CSMD1: variants seen among roughly 807,000 people sequenced by gnomAD.
CSMD1 encodes the protein CUB and sushi domain-containing protein 1.
CSMD1 carries 213 observed loss-of-function variants against 417.5 expected under a neutral mutation model. That is an observed-to-expected ratio of 0.51 (90% CI 0.46 to 0.57). CSMD1 has a LOEUF of 0.57. Ranked by LOEUF, CSMD1 falls within the 20% of genes least tolerant of loss-of-function variation. The pLI is 0.00. For missense variants in CSMD1, 6,923 were observed against 4,529.7 expected (o/e 1.53, Z -15.17); for synonymous variants, 2,862 against 1,736.8 (o/e 1.65, Z -16.11).
chr8:3,595,545 T>C (rs2117048121), intron 8 of CSMD1, among the ~76,000 whole-genome samples: 1 of 152,284 alleles, frequency 6.6e-6, no homozygotes, highest in East Asian at 1.9e-4. Flanking sequence ...TTAGATACTG[T>C]GTGTTAGCAA....
intron 3 of CSMD1, among the ~76,000 whole-genome samples, chr8:4,347,247 G>T (rs551965439): frequency 6.6e-6 from 1 of 152,086 alleles, no homozygotes; most frequent in Non-Finnish European, 1.5e-5. Flanking sequence ...AAATGAAACA[G>T]ACATCCACGA....
chr8:3,261,334 C>G (rs1296635917), intron 26 of CSMD1, among the ~76,000 whole-genome samples: 1 of 152,140 alleles, frequency 6.6e-6, no homozygotes, highest in Non-Finnish European at 1.5e-5. Context: ...TTCAATTCTG[C>G]AATTGCATTC....
chr8:3,189,822 G>C, intron 34 of CSMD1, 90 bp downstream of exon 34: 1 of 1,230,392 alleles, frequency 8.1e-7, no homozygotes, highest in Non-Finnish European at 1.1e-6. Flanking sequence ...GAGCCAGATG[G>C]ATTTACGTAG....
chr8:3,074,156 CTCAGCGTCCAGAGGCCCTGTGT>C (rs1488317085), intron 49 of CSMD1, among the ~76,000 whole-genome samples: 1 of 152,228 alleles, frequency 6.6e-6, no homozygotes, highest in Non-Finnish European at 1.5e-5. Context: ...GCTGTGGGCT[CTCAGCGTCCAGAGGCCCTGTGT>C]TCCATGTTCT....
chr8:4,240,611 G>T (rs572026259), intron 3 of CSMD1, among the ~76,000 whole-genome samples: 12 of 152,172 alleles, frequency 7.9e-5, no homozygotes, highest in Admixed American at 2.6e-4. Flanking sequence ...TCACACTGAG[G>T]ATGGCTATCC....
chr8:3,903,161 A>G (rs1211208996), intron 5 of CSMD1, among the ~76,000 whole-genome samples: 1 of 152,010 alleles, frequency 6.6e-6, no homozygotes, highest in East Asian at 1.9e-4. Flanking sequence ...TCTGCATTCC[A>G]TTTAGCGATT....
At chr8:3,574,217 A>G (rs1456939165) in intron 10 of CSMD1, among the ~76,000 whole-genome samples, 1 of 152,214 alleles carries the variant, frequency 6.6e-6, no homozygotes, top group Non-Finnish European at 1.5e-5. Flanking sequence ...CATGAACTGT[A>G]GAAAACAATT....
At chr8:4,960,770 C>T (rs1809423809) in intron 1 of CSMD1, among the ~76,000 whole-genome samples, 2 of 152,082 alleles carry the variant, frequency 1.3e-5, no homozygotes, top group Non-Finnish European at 2.9e-5. Context: ...AAGTTTCTTA[C>T]ATCTAAGCAA....
rs1798420643 is a variant in CSMD1, at chr8:4,803,457, G to C, written c.86-165899C>G. On this transcript the variant is annotated intron_variant, in intron 1 of 69. Coordinates refer to ENST00000635120, the MANE Select transcript of CSMD1 (RefSeq NM_033225.6). Reference sequence around the variant, plus strand: ...TATAGGAAGGGGTTTTGCATGATAGGAGAGGAGGGTTAGGGGTCAGAAAGC... The same window carrying C: ...TATAGGAAGGGGTTTTGCATGATAGCAGAGGAGGGTTAGGGGTCAGAAAGC... 4.6e-5 allele frequency among the ~76,000 whole-genome samples: 7 copies of C among 152,184 alleles called. No homozygotes were observed. The South Asian group carries it at 1.5e-3, about 32-fold the overall frequency.
intron 2 of CSMD1, among the ~76,000 whole-genome samples, chr8:4,541,540 G>C (rs902926297): frequency 2.6e-5 from 4 of 151,858 alleles, no homozygotes; most frequent in Non-Finnish European, 5.9e-5. Flanking sequence ...TTGAGGTCAG[G>C]AGTTCAAGAA....
intron 1 of CSMD1, among the ~76,000 whole-genome samples, chr8:4,799,787 T>TA (rs1170180589): frequency 1.8e-3 from 271 of 148,016 alleles, no homozygotes; most frequent in African/African-American, 4.9e-3. Context: ...AATGTCTCTT[T>TA]AAAAAAAAAA....
intron 25 of CSMD1, among the ~76,000 whole-genome samples, chr8:3,296,554 C>G (rs1382171207): frequency 6.6e-6 from 1 of 152,194 alleles, no homozygotes; most frequent in Non-Finnish European, 1.5e-5. Flanking sequence ...CTTGCTTGCT[C>G]TGTTGACAAC....
At position 3,970,466 on chromosome 8, in the gene CSMD1, G is replaced by T. The variant is rs570877539; in HGVS notation, c.818+27437C>A. On this transcript the variant is annotated intron_variant, in intron 5 of 69. Coordinates refer to ENST00000635120, the MANE Select transcript of CSMD1 (RefSeq NM_033225.6). ...GCCATGAGAAACTCTTGTCTCTTCT[G>T]TAAACCAGAAGAAATTATGAGAATG... 2.6e-5 allele frequency among the ~76,000 whole-genome samples: 4 copies of T among 152,246 alleles called. No homozygotes were observed. In the East Asian group the frequency reaches 7.7e-4, roughly 29 times the overall value.
At chr8:4,485,863 G>T (rs1363472371) in intron 2 of CSMD1, among the ~76,000 whole-genome samples, 3 of 151,914 alleles carry the variant, frequency 2.0e-5, no homozygotes, top group African/African-American at 2.4e-5. Flanking sequence ...ACCCCATTAT[G>T]GTGACATTTC....
At chr8:3,271,564 A>G (rs1043915422) in intron 26 of CSMD1, among the ~76,000 whole-genome samples, 14 of 151,252 alleles carry the variant, frequency 9.3e-5, no homozygotes, top group African/African-American at 3.4e-4. Flanking sequence ...AAGTGTTCCT[A>G]TTTCTCCACA....
intron 3 of CSMD1, among the ~76,000 whole-genome samples, chr8:4,150,067 T>C (rs1585426195): frequency 6.6e-6 from 1 of 152,226 alleles, no homozygotes; most frequent in Non-Finnish European, 1.5e-5. Flanking sequence ...GTGAAGAAGT[T>C]AATGTAAGTA....
chr8:4,616,290 C>T (rs1313888281), intron 2 of CSMD1, among the ~76,000 whole-genome samples: 1 of 152,084 alleles, frequency 6.6e-6, no homozygotes, highest in Non-Finnish European at 1.5e-5. Context: ...ACTGGAATTC[C>T]AAATGAATGT....
At chr8:3,365,443 G>T (rs1488454051) in intron 20 of CSMD1, among the ~76,000 whole-genome samples, 1 of 152,140 alleles carries the variant, frequency 6.6e-6, no homozygotes, top group Non-Finnish European at 1.5e-5. Context: ...TAGTTAGTAG[G>T]CAATTGTGAA....
chr8:4,836,278 T>C, intron 1 of CSMD1, among the ~76,000 whole-genome samples: 1 of 152,218 alleles, frequency 6.6e-6, no homozygotes, highest in Non-Finnish European at 1.5e-5. Context: ...AGACTAATTT[T>C]CACTACCTTC....
Sources: gnomAD v4.1 joint callset for allele counts (sites outside exome capture counted in the v4.1 genomes callset) on GRCh38, gnomAD v4.1.1 for gene constraint, MANE v1.5 for transcripts, NCBI Gene and HGNC (gene_info 2026-07-23, HGNC 2026-07-21) for gene names.